HAPLN3: variants seen among roughly 807,000 people sequenced by gnomAD.
The protein encoded by HAPLN3 is hyaluronan and proteoglycan link protein 3.
HAPLN3 carries 28 observed loss-of-function variants against 28.1 expected under a neutral mutation model. That is an observed-to-expected ratio of 1.00 (90% CI 0.74 to 1.37). The LOEUF (loss-of-function observed/expected upper bound fraction) is 1.37. Among genes scored for constraint, HAPLN3 ranks in the 40% most tolerant of loss-of-function variants. The pLI, the probability that HAPLN3 is intolerant of heterozygous loss-of-function variation, is 0.00. For missense variants in HAPLN3, 513 were observed against 504.6 expected (o/e 1.02, Z -0.16); for synonymous variants, 211 against 213.1 (o/e 0.99, Z 0.09).
rs541734236 is a variant in HAPLN3, at chr15:88,880,401, A to G, written c.493+956T>C. On this transcript the variant is annotated intron_variant, in intron 3 of 4. Coordinates refer to ENST00000359595, the MANE Select transcript of HAPLN3 (RefSeq NM_178232.4). The surrounding 1 kb of genome is among the most constrained non-coding windows in gnomAD (Gnocchi z 6.0). Reference sequence around the variant, plus strand: ...CAGAGAACGCATTTTAAGGACATACATCTTATCCTCATTGCCTCTGAGGGA... The same window carrying G: ...CAGAGAACGCATTTTAAGGACATACGTCTTATCCTCATTGCCTCTGAGGGA... 3 of 1,175,764 alleles carry G rather than the reference A, an allele frequency of 2.6e-6. No homozygotes were observed. Among genetic ancestry groups the G allele is most frequent in the Non-Finnish European group, 3.2e-6 (3 of 933,250 alleles). 72.8% of individuals were successfully genotyped at this position (1,175,764 alleles called of 1,614,324 possible). A position where few individuals can be genotyped will look rare whatever the true frequency, so the allele number is the denominator to read the frequency against.
intron 1 of HAPLN3, among the ~76,000 whole-genome samples, chr15:88,891,929 C>T (rs1033763342): frequency 3.9e-5 from 6 of 152,168 alleles, no homozygotes; most frequent in African/African-American, 7.2e-5. Context: ...CTGGGCTCCC[C>T]GCTGTCCCTG....
intron 1 of HAPLN3, among the ~76,000 whole-genome samples, chr15:88,889,555 C>T (rs776046334): frequency 1.1e-4 from 16 of 152,144 alleles, no homozygotes; most frequent in East Asian, 1.9e-4. Flanking sequence ...AGGCTGGTCT[C>T]GAACTCCTCG....
intron 2 of HAPLN3, among the ~76,000 whole-genome samples, chr15:88,882,126 C>A (rs926715704): frequency 6.6e-6 from 1 of 152,168 alleles, no homozygotes; most frequent in Admixed American, 6.5e-5. Context: ...AGAACAGAGA[C>A]AGGGCGCCCC....
At chr15:88,889,382 C>G (rs1380202839) in intron 1 of HAPLN3, among the ~76,000 whole-genome samples, 2 of 152,154 alleles carry the variant, frequency 1.3e-5, no homozygotes. Flanking sequence ...GTTGTCCAAG[C>G]TGGAGTGCCG....
Position 88,881,876 on chromosome 15 carries a change from C to A in HAPLN3, c.125-151G>T. The stretch of plus-strand genomic sequence containing the variant: ...CCCCTCCCTGTATCCACATGCTCTG[C>A]AATGTGACTTTGCATCTCCTTCCAT... On this transcript the variant is annotated intron_variant, in intron 2 of 4. Transcript: ENST00000359595. The surrounding 1 kb of genome is among the most constrained non-coding windows in gnomAD (Gnocchi z 6.0). 1 of 725,526 alleles carries A rather than the reference C, an allele frequency of 1.4e-6. No homozygotes were observed. The highest frequency in any genetic ancestry group is 2.2e-6 in the Non-Finnish European group (1 of 448,570). 44.9% of individuals were successfully genotyped at this position (725,526 alleles called of 1,614,324 possible).
Position 88,879,510 on chromosome 15 carries a change from TAATGTCCCCAAC to T in HAPLN3, c.494-253_494-242del. On this transcript the variant is annotated intron_variant, in intron 3 of 4. Coordinates refer to ENST00000359595, the MANE Select transcript of HAPLN3 (RefSeq NM_178232.4). This position sits in a 1 kb window ranked among gnomAD's most constrained non-coding sequence, Gnocchi z 5.0. Reference sequence around the variant, plus strand: ...GAGTTAAGGTAATTAATTAGTCCATTAATGTCCCCAACAATGTCCCCAACCTAATCCGCAAGG... The same window carrying T: ...GAGTTAAGGTAATTAATTAGTCCATTAATGTCCCCAACCTAATCCGCAAGG... 1.1e-5 allele frequency: 16 copies of T among 1,504,484 alleles called. No homozygotes were observed. The highest frequency in any genetic ancestry group is 6.0e-5 in the Admixed American group (3 of 49,908). The allele number at this position is 1,504,484 out of a possible 1,614,324, so 93.2% of individuals were successfully genotyped here. A position where few individuals can be genotyped will look rare whatever the true frequency, so the allele number is the denominator to read the frequency against.
In HAPLN3 at chr15:88,884,829, G is replaced by A. The variant is rs1324875072; in HGVS notation, c.124+2346C>T. Among the ~76,000 whole-genome samples, 14 of 151,998 alleles carry A rather than the reference G, an allele frequency of 9.2e-5. No homozygotes were observed. The South Asian group carries it at 2.7e-3, about 29-fold the overall frequency. On this transcript the variant is annotated intron_variant, in intron 2 of 4. Transcript: ENST00000359595. Reference sequence around the variant, plus strand: ...TGCATATAAAAGAGGAGAAGACCACGTGACCAAGGAGGCAGAGCCTGCAGT... The same window carrying A: ...TGCATATAAAAGAGGAGAAGACCACATGACCAAGGAGGCAGAGCCTGCAGT...
Position 88,881,763 on chromosome 15 carries a change from A to T in HAPLN3, c.125-38T>A. ...ACAGGGTGCAGATGAGACCTGCTGAAGCACATCTGTACCCCTGCAAGGGCC... is the reference window on the plus strand; with the variant it reads ...ACAGGGTGCAGATGAGACCTGCTGATGCACATCTGTACCCCTGCAAGGGCC... On this transcript the variant is annotated intron_variant, in intron 2 of 4. Transcript: ENST00000359595. The surrounding 1 kb of genome is among the most constrained non-coding windows in gnomAD (Gnocchi z 6.0). 6.3e-7 allele frequency: 1 copy of T among 1,576,288 alleles called. No homozygotes were observed. Among genetic ancestry groups the T allele is most frequent in the Middle Eastern group, 1.9e-4 (1 of 5,372 alleles).
rs138662474 is a variant in HAPLN3 at position 88,879,217 on chromosome 15, G to C, written c.546C>G (p.His182Gln). Residue 182 changes from histidine (H) to glutamine (Q), a missense_variant, in exon 4 of 5, where the codon CAC becomes CAG. Physicochemically the swap from His to Gln is conservative, Grantham distance 24. Transcript: ENST00000359595. The surrounding 1 kb of genome is among the most constrained non-coding windows in gnomAD (Gnocchi z 5.0). ...SPNGRYQFNF[H>Q]EGQQVCAEQA... ...GCTCTGCACAGACCTGCTGGCCCTC[G>C]TGGAAGTTGAACTGGTAGCGCCCGT... 11 of 1,611,664 alleles carry C rather than the reference G, an allele frequency of 6.8e-6. No individual in the cohort carries two copies. Among genetic ancestry groups the C allele is most frequent in the Non-Finnish European group, 5.9e-6 (7 of 1,178,876 alleles).
chr15:88,892,334 G>C (rs920063216), intron 1 of HAPLN3, among the ~76,000 whole-genome samples: 2 of 152,064 alleles, frequency 1.3e-5, no homozygotes, highest in Non-Finnish European at 2.9e-5. Context: ...GTGGGTGCCT[G>C]TAATCCCAGC....
chr15:88,881,201 C>T lies in HAPLN3; in HGVS notation c.493+156G>A, dbSNP rs565244260. 2.7e-4 allele frequency: 260 copies of T among 967,838 alleles called. 1 individual carries two copies. The highest frequency in any genetic ancestry group is 3.7e-4 in the Non-Finnish European group (248 of 667,390). 60.0% of individuals were successfully genotyped at this position (967,838 alleles called of 1,614,324 possible). On this transcript the variant is annotated intron_variant, in intron 3 of 4. Transcript: ENST00000359595. This position sits in a 1 kb window ranked among gnomAD's most constrained non-coding sequence, Gnocchi z 6.0. ...CCTCTCTGTGCCTCAGTTTTCTCAC[C>T]TGTAAAATGGGGGTCACAACAGTAG...
chr15:88,880,292 C>T lies in HAPLN3; in HGVS notation c.494-1023G>A, dbSNP rs1897662585. ...AATGACTCTTGCAGGTTCTCCCCAACTCCACTGCCACCCCAACTTCAAGAA... is the reference window on the plus strand; with the variant it reads ...AATGACTCTTGCAGGTTCTCCCCAATTCCACTGCCACCCCAACTTCAAGAA... On this transcript the variant is annotated intron_variant, in intron 3 of 4. Coordinates refer to ENST00000359595, the MANE Select transcript of HAPLN3 (RefSeq NM_178232.4). This position sits in a 1 kb window ranked among gnomAD's most constrained non-coding sequence, Gnocchi z 6.0. The T allele has an allele frequency of 9.4e-7, 1 of 1,061,594 alleles. No individual in the cohort carries two copies. Among genetic ancestry groups the T allele is most frequent in the South Asian group, 2.7e-5 (1 of 36,382 alleles). 65.8% of individuals were successfully genotyped at this position (1,061,594 alleles called of 1,614,324 possible).
Position 88,879,880 on chromosome 15 carries a change from T to G in HAPLN3, c.494-611A>C. On this transcript the variant is annotated intron_variant, in intron 3 of 4. Coordinates refer to ENST00000359595, the MANE Select transcript of HAPLN3 (RefSeq NM_178232.4). The surrounding 1 kb of genome is among the most constrained non-coding windows in gnomAD (Gnocchi z 5.0). ...AGAGGCCACAGGCCCTGAAAAGATA[T>G]GTTCGTGTTTGAAATTTTACTCTAA... 9.8e-7 allele frequency: 1 copy of G among 1,016,924 alleles called. No individual in the cohort carries two copies. The highest frequency in any genetic ancestry group is 1.2e-6 in the Non-Finnish European group (1 of 848,760). 63.0% of individuals were successfully genotyped at this position (1,016,924 alleles called of 1,614,324 possible).
chr15:88,887,537 G>A (rs1375171577), intron 1 of HAPLN3, among the ~76,000 whole-genome samples, 192 bp from the exon 2 acceptor site: 1 of 152,210 alleles, frequency 6.6e-6, no homozygotes, highest in Non-Finnish European at 1.5e-5. Flanking sequence ...CTTTCAGGGA[G>A]CTGTACCCCG....
chr15:88,887,111 G>A, intron 2 of HAPLN3, 64 bp downstream of exon 2: 1 of 1,569,202 alleles, frequency 6.4e-7, no homozygotes, highest in Non-Finnish European at 8.8e-7. Flanking sequence ...TCAGATCACA[G>A]CAAGAGCCAA....
At position 88,881,298 on chromosome 15, in the gene HAPLN3, T is replaced by C; in HGVS notation, c.493+59A>G. ...AGCACAGAGGTCTGGATGTTTTCTC[T>C]GGTCCTCTCCCCTCTGCTCTCAGGT... is the stretch of plus-strand genomic sequence containing the variant. On this transcript the variant is annotated intron_variant, in intron 3 of 4. Transcript: ENST00000359595. The surrounding 1 kb of genome is among the most constrained non-coding windows in gnomAD (Gnocchi z 6.0). 1 of 1,542,816 alleles carries C rather than the reference T, an allele frequency of 6.5e-7. No individual in the cohort carries two copies. The highest frequency in any genetic ancestry group is 8.7e-7 in the Non-Finnish European group (1 of 1,145,210).
At position 88,879,605 on chromosome 15, in the gene HAPLN3, G is replaced by T; in HGVS notation, c.494-336C>A. On this transcript the variant is annotated intron_variant, in intron 3 of 4. Transcript: ENST00000359595. This position sits in a 1 kb window ranked among gnomAD's most constrained non-coding sequence, Gnocchi z 5.0. ...CTTCTCCAGACAGGCCCGGGCTTTG[G>T]GCTCTAGGGGCCAGGTTTGACTCCC... 7.7e-7 allele frequency: 1 copy of T among 1,302,624 alleles called. No homozygotes were observed. The highest frequency in any genetic ancestry group is 1.0e-6 in the Non-Finnish European group (1 of 1,002,982). The allele number at this position is 1,302,624 out of a possible 1,614,324, so 80.7% of individuals were successfully genotyped here. A position where few individuals can be genotyped will look rare whatever the true frequency, so the allele number is the denominator to read the frequency against.
At chr15:88,891,683 G>A (rs1239488872) in intron 1 of HAPLN3, among the ~76,000 whole-genome samples, 2 of 152,228 alleles carry the variant, frequency 1.3e-5, no homozygotes, top group East Asian at 1.9e-4. Flanking sequence ...GGCACAGAGA[G>A]ACTAAGTCAT....
At chr15:88,886,650 C>T (rs1596172090) in intron 2 of HAPLN3, among the ~76,000 whole-genome samples, 3 of 151,840 alleles carry the variant, frequency 2.0e-5, no homozygotes, top group Admixed American at 2.0e-4. Context: ...CATGGTGAAA[C>T]CCCTTCTCTA....
Sources: gnomAD v4.1 joint callset for allele counts (sites outside exome capture counted in the v4.1 genomes callset) on GRCh38, gnomAD v4.1.1 for gene constraint, Gnocchi (gnomAD v3.1) non-coding constraint, MANE v1.5 for transcripts, NCBI Gene and HGNC (gene_info 2026-07-23, HGNC 2026-07-21) for gene names.